Variants in TBC1D15 observed in about 807,000 individuals in gnomAD.
The protein encoded by TBC1D15 is GAP for RAB7.
In TBC1D15, 39 loss-of-function variants were observed where a neutral mutation model predicts 95.4. The ratio of observed to expected loss-of-function variants is 0.41; its 90% confidence interval spans 0.32 to 0.53. The LOEUF (loss-of-function observed/expected upper bound fraction) is 0.53, where lower values mean the gene tolerates loss of function less well. Ranked by LOEUF, TBC1D15 falls within the 20% of genes least tolerant of loss-of-function variation. The pLI is 0.29. For missense variants in TBC1D15, 733 were observed against 794.3 expected (o/e 0.92, Z 0.93); for synonymous variants, 258 against 261.3 (o/e 0.99, Z 0.12).
At chr12:71,921,310 A>G (rs1272767605) in intron 15 of TBC1D15, 58 bp from the exon 16 acceptor site, 2 of 901,034 alleles carry the variant, frequency 2.2e-6, no homozygotes, top group Non-Finnish European at 3.2e-6. Flanking sequence ...TGTTTATATA[A>G]TAGAATATAA....
Position 71,923,186 on chromosome 12 carries a change from C to G in TBC1D15, c.2007C>G (p.Cys669Trp). 1.2e-6 allele frequency: 2 copies of G among 1,614,146 alleles called. No individual in the cohort carries two copies. The highest frequency in any genetic ancestry group is 1.7e-6 in the Non-Finnish European group (2 of 1,180,008). The change falls in exon 17 of 17, where the codon TGC (cysteine) becomes TGG (tryptophan). Residue 669 changes from cysteine to tryptophan, a missense_variant. Physicochemically the swap from Cys to Trp is radical, Grantham distance 215 (BLOSUM62 -2). Transcript: ENST00000485960. ...AGATACCAGTGTCCTCAGATGTCTG[C>G]AGATTAACACCTGCATGATCACTGT... is the stretch of plus-strand genomic sequence containing the variant. The part of the protein sequence containing the change: ...PTQIPVSSDV[C>W]RLTPA
At chr12:71,901,331 G>GT (rs142369032) in intron 10 of TBC1D15, among the ~76,000 whole-genome samples, 16,640 of 151,726 alleles carry the variant, frequency 0.11, 1,082 homozygotes, top group African/African-American at 0.16. Flanking sequence ...CAATATTGCT[G>GT]TTTTTTTTGT....
chr12:71,886,074 A>G (rs1319604942), intron 5 of TBC1D15, among the ~76,000 whole-genome samples: 6 of 152,220 alleles, frequency 3.9e-5, no homozygotes, highest in African/African-American at 1.4e-4. Flanking sequence ...GTGACAGGAA[A>G]GATGGAAGTA....
At chr12:71,922,549 A>G (rs1377576504) in intron 16 of TBC1D15, among the ~76,000 whole-genome samples, 6 of 152,204 alleles carry the variant, frequency 3.9e-5, no homozygotes, top group Non-Finnish European at 7.4e-5. Flanking sequence ...TTGTTCATTG[A>G]TCCAAACTGT....
chr12:71,873,312 A>C (rs1036031883), intron 3 of TBC1D15, among the ~76,000 whole-genome samples: 1 of 152,144 alleles, frequency 6.6e-6, no homozygotes, highest in Admixed American at 6.5e-5. Flanking sequence ...GTCATGTAAT[A>C]ATGTAGTGTT....
chr12:71,908,925 C>T (rs926092331), intron 11 of TBC1D15, among the ~76,000 whole-genome samples: 3 of 152,164 alleles, frequency 2.0e-5, no homozygotes, highest in African/African-American at 4.8e-5. Flanking sequence ...ACACCTTCAG[C>T]GCTTCAAACT....
chr12:71,900,570 T>A lies in TBC1D15; in HGVS notation c.1183+2629T>A, dbSNP rs527669965. ...TTATTTCAAGCATTCATACACTCAT[T>A]CATTCTTTCAATAAGTTATTACTTA... is the stretch of plus-strand genomic sequence containing the variant. On this transcript the variant is annotated intron_variant, in intron 10 of 16. Transcript: ENST00000485960. Among the ~76,000 whole-genome samples, 4 of 152,228 alleles carry A rather than the reference T, an allele frequency of 2.6e-5. No homozygotes were observed. The South Asian group carries it at 8.3e-4, about 32-fold the overall frequency.
At chr12:71,894,910 C>A in intron 7 of TBC1D15, 27 bp downstream of exon 7, 1 of 1,578,284 alleles carries the variant, frequency 6.3e-7, no homozygotes, top group Non-Finnish European at 8.7e-7. Context: ...ATTAATATAG[C>A]TCTTATATTT....
chr12:71,906,899 T>G, intron 10 of TBC1D15, 123 bp from the exon 11 acceptor site: 1 of 502,432 alleles, frequency 2.0e-6, no homozygotes, highest in Non-Finnish European at 3.4e-6. Flanking sequence ...TTTTTCTTCA[T>G]TAAGTAAAGC....
chr12:71,849,565 C>A, intron 1 of TBC1D15: 1 of 682,912 alleles, frequency 1.5e-6, no homozygotes. Context: ...CAGTGGCTGT[C>A]CAGATTGATG....
At chr12:71,849,825 C>T in intron 1 of TBC1D15, 2 of 553,000 alleles carry the variant, frequency 3.6e-6, no homozygotes, top group South Asian at 3.0e-5. Context: ...CTCTAATAGA[C>T]TTTTGCCATT....
chr12:71,872,364 C>G (rs1210935152), intron 2 of TBC1D15, among the ~76,000 whole-genome samples, 196 bp downstream of exon 2: 1 of 152,058 alleles, frequency 6.6e-6, no homozygotes, highest in Non-Finnish European at 1.5e-5. Flanking sequence ...TCTTGATAAA[C>G]CCATCATAAA....
intron 6 of TBC1D15, chr12:71,894,266 A>G (rs1897748489): frequency 7.0e-7 from 1 of 1,429,564 alleles, no homozygotes; most frequent in South Asian, 1.2e-5. Flanking sequence ...GCCATCAAAT[A>G]TTTTGTGTCA....
rs79037981 is a variant in TBC1D15, at chr12:71,859,909, C to G, written c.31-12161C>G. 4.3e-3 allele frequency among the ~76,000 whole-genome samples: 651 copies of G among 152,272 alleles called. 5 individuals are homozygous for G. The highest frequency in any genetic ancestry group is 0.014 in the African/African-American group (601 of 41,550). On this transcript the variant is annotated intron_variant, in intron 1 of 16. Transcript: ENST00000485960. ...TACAAGCATGAGCTACCATGCCTAG[C>G]CTTTCAATCCATTTTGAGTTGATTT...
In TBC1D15 at chr12:71,896,061, A is replaced by G; in HGVS notation, c.970A>G (p.Met324Val). ...RILNVDNMKQ[M>V]IFRGGLSHAL... ...TTTAAATGTAGATAATATGAAGCAG[A>G]TGATATTTAGAGGGGTAATTTAAAC... Residue 324 changes from methionine to valine, a missense_variant, in exon 8 of 17, where the codon ATG becomes GTG. Coordinates refer to ENST00000485960, the MANE Select transcript of TBC1D15 (RefSeq NM_001146213.3). The G allele has an allele frequency of 1.2e-6, 2 of 1,609,580 alleles. No homozygotes were observed. The highest frequency in any genetic ancestry group is 1.7e-6 in the Non-Finnish European group (2 of 1,176,778).
chr12:71,895,915 A>C, intron 7 of TBC1D15, 32 bp from the exon 8 acceptor site: 1 of 1,601,176 alleles, frequency 6.2e-7, no homozygotes, highest in Non-Finnish European at 8.5e-7. Flanking sequence ...CTGGTTAAAT[A>C]TGTACTTATT....
At chr12:71,906,733 A>G (rs1345818646) in intron 10 of TBC1D15, among the ~76,000 whole-genome samples, 1 of 151,748 alleles carries the variant, frequency 6.6e-6, no homozygotes, top group Non-Finnish European at 1.5e-5. Flanking sequence ...TGTTGCTTTT[A>G]ATTCATTGAA....
At chr12:71,902,327 A>C (rs1341153503) in intron 10 of TBC1D15, among the ~76,000 whole-genome samples, 1 of 152,220 alleles carries the variant, frequency 6.6e-6, no homozygotes, top group Non-Finnish European at 1.5e-5. Flanking sequence ...ACTTCAAACT[A>C]TACTGCAAGG....
chr12:71,916,966 A>G (rs967951946), intron 12 of TBC1D15, among the ~76,000 whole-genome samples: 3 of 151,794 alleles, frequency 2.0e-5, no homozygotes, highest in Admixed American at 2.0e-4. Context: ...GTATTCATTT[A>G]TTTATTAATT....
Sources: allele counts gnomAD v4.1 joint callset (sites outside exome capture counted in the v4.1 genomes callset), GRCh38; gene constraint gnomAD v4.1.1; transcripts MANE v1.5; gene names NCBI Gene and HGNC (gene_info 2026-07-23, HGNC 2026-07-21).